UBAP2: variants seen among roughly 807,000 people sequenced by gnomAD.
The protein encoded by UBAP2 is ubiquitin associated protein 2.
Under a neutral mutation model 139.6 loss-of-function variants are expected in UBAP2, and 75 were observed. That is an observed-to-expected ratio of 0.54 (90% CI 0.45 to 0.65). The LOEUF is 0.65. Among genes scored for constraint, UBAP2 ranks in the 30% least tolerant of loss-of-function variants. The probability of loss-of-function intolerance (pLI) is 0.00; values close to 1 mark genes in which losing one functional copy is unlikely to be tolerated. For synonymous variants in UBAP2, 526 were observed against 526.2 expected, an observed-to-expected ratio of 1.00 and a Z score of 0.01; for missense variants, 1,368 against 1,369.6, an observed-to-expected ratio of 1.00 and a Z score of 0.02.
intron 4 of UBAP2, among the ~76,000 whole-genome samples, chr9:33,989,588 T>C (rs776454992): frequency 6.6e-6 from 1 of 152,248 alleles, no homozygotes; most frequent in Non-Finnish European, 1.5e-5. Flanking sequence ...TCTACTTTAT[T>C]GATGATGAAG....
At chr9:34,013,083 G>A (rs971328115) in intron 2 of UBAP2, among the ~76,000 whole-genome samples, 15 of 148,066 alleles carry the variant, frequency 1.0e-4, no homozygotes, top group Non-Finnish European at 7.4e-5. Flanking sequence ...GAACCCAGGA[G>A]GCACAGTTGC....
chr9:34,041,996 G>A (rs1587707206), intron 1 of UBAP2, among the ~76,000 whole-genome samples: 1 of 152,164 alleles, frequency 6.6e-6, no homozygotes, highest in South Asian at 2.1e-4. Context: ...CTGCACTCCA[G>A]CCTGAGCAAC....
intron 11 of UBAP2, among the ~76,000 whole-genome samples, chr9:33,955,107 G>GT (rs964025076): frequency 6.7e-6 from 1 of 150,280 alleles, no homozygotes; most frequent in Non-Finnish European, 1.5e-5. Context: ...TAAGAGATCT[G>GT]TATTAGTTTC....
At chr9:34,005,917 A>ATTC (rs1823166731) in intron 2 of UBAP2, among the ~76,000 whole-genome samples, 2 of 152,316 alleles carry the variant, frequency 1.3e-5, no homozygotes, top group Admixed American at 1.3e-4. Context: ...ACACTAAGAC[A>ATTC]TTCTTATTCT....
chr9:33,964,866 C>G (rs1001452167), intron 8 of UBAP2, among the ~76,000 whole-genome samples: 7 of 152,088 alleles, frequency 4.6e-5, no homozygotes, highest in Admixed American at 1.3e-4. Context: ...GGTATGCTTT[C>G]CCACCAGGCA....
intron 4 of UBAP2, 122 bp downstream of exon 4, chr9:33,996,101 A>C: frequency 2.9e-6 from 2 of 685,270 alleles, no homozygotes; most frequent in South Asian, 4.0e-5. Context: ...TCTGGAACTT[A>C]AAACAAATAT....
chr9:33,947,092 AGCAAAAAATGTAG>A (rs575425997), intron 13 of UBAP2, among the ~76,000 whole-genome samples: 158 of 152,340 alleles, frequency 1.0e-3, no homozygotes, highest in African/African-American at 3.8e-3. Flanking sequence ...TATGTGCTAT[AGCAAAAAATGTAG>A]GCACAGGGTA....
intron 16 of UBAP2, among the ~76,000 whole-genome samples, chr9:33,939,248 C>T (rs1214465471): frequency 1.6e-5 from 2 of 123,480 alleles, no homozygotes; most frequent in African/African-American, 6.4e-5. Flanking sequence ...GGCTGGAGTG[C>T]AACGGTGTGA....
intron 2 of UBAP2, among the ~76,000 whole-genome samples, chr9:33,999,898 GTATGTATGT>G (rs774346873): frequency 0.17 from 15,622 of 94,338 alleles, 991 homozygotes; most frequent in East Asian, 0.26. Flanking sequence ...ATGTATGTAT[GTATGTATGT>G]TATTTTGAGA....
chr9:33,996,489 T>C (rs1822213912), intron 3 of UBAP2, 156 bp from the exon 4 acceptor site: 5 of 567,396 alleles, frequency 8.8e-6, no homozygotes, highest in Non-Finnish European at 1.5e-5. Flanking sequence ...TTACTTATTT[T>C]TTTGTGGCCA....
intron 1 of UBAP2, among the ~76,000 whole-genome samples, chr9:34,025,688 A>G (rs182020239): frequency 8.5e-5 from 13 of 152,326 alleles, no homozygotes; most frequent in African/African-American, 3.1e-4. Context: ...GATATTCTCT[A>G]TGAAAGGAAT....
intron 11 of UBAP2, among the ~76,000 whole-genome samples, chr9:33,954,142 A>T (rs1411336497): frequency 6.6e-6 from 1 of 152,034 alleles, no homozygotes; most frequent in African/African-American, 2.4e-5. Context: ...CCTGCTCTCA[A>T]GTGAGCTGCC....
intron 2 of UBAP2, among the ~76,000 whole-genome samples, chr9:34,009,800 T>C (rs1335886256): frequency 1.3e-5 from 2 of 150,166 alleles, no homozygotes; most frequent in Non-Finnish European, 3.0e-5. Flanking sequence ...AAATGACTTA[T>C]ATTTCCTTTT....
At chr9:33,946,655 A>G (rs1473038656) in intron 13 of UBAP2, among the ~76,000 whole-genome samples, 2 of 152,054 alleles carry the variant, frequency 1.3e-5, no homozygotes, top group African/African-American at 2.4e-5. Context: ...TGCCTCCCCA[A>G]GTGCTGGGAT....
At chr9:33,952,222 T>C (rs1358532689) in intron 12 of UBAP2, among the ~76,000 whole-genome samples, 1 of 152,188 alleles carries the variant, frequency 6.6e-6, no homozygotes, top group Non-Finnish European at 1.5e-5. Context: ...TCCATAGACC[T>C]TTCTAACTTC....
intron 6 of UBAP2, among the ~76,000 whole-genome samples, chr9:33,980,790 T>C (rs548844333): frequency 1.6e-4 from 24 of 151,242 alleles, no homozygotes; most frequent in African/African-American, 5.3e-4. Context: ...ACCCTCTCTC[T>C]ACAAAAATTA....
chr9:33,996,737 C>T (rs1374204578), intron 3 of UBAP2: 1 of 159,238 alleles, frequency 6.3e-6, no homozygotes, highest in Non-Finnish European at 1.4e-5. Context: ...AAATCCAATA[C>T]AAATTTTTTG....
At chr9:34,045,056 G>A (rs538133571) in intron 1 of UBAP2, among the ~76,000 whole-genome samples, 1 of 151,714 alleles carries the variant, frequency 6.6e-6, no homozygotes, top group East Asian at 2.0e-4. Flanking sequence ...TTTACAAACG[G>A]GTAAAAAAAG....
chr9:33,998,927 C>G, intron 2 of UBAP2, 63 bp from the exon 3 acceptor site: 1 of 1,398,178 alleles, frequency 7.2e-7, no homozygotes, highest in Non-Finnish European at 1.0e-6. Context: ...ATTCCAAAAT[C>G]TGGGTCAAAC....
Sources: gnomAD v4.1 joint callset for allele counts (sites outside exome capture counted in the v4.1 genomes callset) on GRCh38, gnomAD v4.1.1 for gene constraint, MANE v1.5 for transcripts, NCBI Gene and HGNC (gene_info 2026-07-23, HGNC 2026-07-21) for gene names.